The following TMEM150C variants were observed in gnomAD, a reference collection of about 807,000 sequenced individuals.
The protein encoded by TMEM150C is tentonin 3.
In TMEM150C, 10 loss-of-function variants were observed where a neutral mutation model predicts 29.9. The observed-to-expected ratio is 0.33, with a 90% CI of 0.21 to 0.57. The LOEUF is 0.57. TMEM150C is among the 20% of genes least tolerant of loss of function. The pLI is 0.88. For missense variants in TMEM150C, 251 were observed against 303.6 expected (o/e 0.83, Z 1.29); for synonymous variants, 101 against 112.5 (o/e 0.90, Z 0.64).
chr4:82,512,879 T>C (rs1159468784), intron 1 of TMEM150C, among the ~76,000 whole-genome samples: 1 of 152,088 alleles, frequency 6.6e-6, no homozygotes, highest in South Asian at 2.1e-4. Context: ...ATAGCTATTA[T>C]CAAAAAACAA....
In TMEM150C at chr4:82,524,456, T is replaced by C. The variant is rs1163102803; in HGVS notation, c.-10-19789A>G. Among the ~76,000 whole-genome samples, 3 of 152,254 alleles carry C rather than the reference T, an allele frequency of 2.0e-5. No homozygotes were observed. In the East Asian group the frequency reaches 5.8e-4, roughly 29 times the overall value. ...GTTTCATTATTTAGCTGTGAATTTC[T>C]TTTAATCTACCCACTTCTTTTAAAT... On this transcript the variant is annotated intron_variant, in intron 1 of 7. Coordinates refer to ENST00000449862, the MANE Select transcript of TMEM150C (RefSeq NM_001080506.3).
intron 1 of TMEM150C, among the ~76,000 whole-genome samples, chr4:82,538,022 A>G (rs1406284200): frequency 6.6e-6 from 1 of 152,188 alleles, no homozygotes; most frequent in Non-Finnish European, 1.5e-5. Context: ...GATATGAACA[A>G]AAGTTTATAT....
chr4:82,504,360 C>T (rs371779429), intron 2 of TMEM150C, among the ~76,000 whole-genome samples: 9 of 152,230 alleles, frequency 5.9e-5, no homozygotes, highest in Admixed American at 2.0e-4. Context: ...TGTGCCATCA[C>T]ACCCGGCTAA....
At chr4:82,494,821 T>C in intron 6 of TMEM150C, 1 of 418,060 alleles carries the variant, frequency 2.4e-6, no homozygotes, top group Non-Finnish European at 4.6e-6. Context: ...TGATCTTATT[T>C]GTTACTCAAA....
chr4:82,503,666 T>C (rs1723807403), intron 2 of TMEM150C, among the ~76,000 whole-genome samples: 1 of 151,918 alleles, frequency 6.6e-6, no homozygotes, highest in South Asian at 2.1e-4. Context: ...CTGGCTAACA[T>C]GGTGAAACCC....
chr4:82,509,254 G>T (rs1194772805), intron 1 of TMEM150C, among the ~76,000 whole-genome samples: 1 of 152,042 alleles, frequency 6.6e-6, no homozygotes, highest in Non-Finnish European at 1.5e-5. Flanking sequence ...TTGTGACCTG[G>T]CATCCCTGCA....
At chr4:82,509,236 C>T (rs375544383) in intron 1 of TMEM150C, among the ~76,000 whole-genome samples, 10 of 152,232 alleles carry the variant, frequency 6.6e-5, no homozygotes, top group Admixed American at 2.0e-4. Flanking sequence ...CACCTTCTAC[C>T]GCTCGCTTTG....
rs183606117 is a variant in TMEM150C at position 82,503,577 on chromosome 4, G to A, written c.81-465C>T. Among the ~76,000 whole-genome samples, 821 of 152,284 alleles carry A rather than the reference G, an allele frequency of 5.4e-3. 4 individuals carry two copies. The highest frequency in any genetic ancestry group is 0.019 in the African/African-American group (793 of 41,542). ...ATTTTATAAACATATCAGGCCGGGC[G>A]CAGTGGCTCACGCCTGTAATCCCAG... is the stretch of plus-strand genomic sequence containing the variant. On this transcript the variant is annotated intron_variant, in intron 2 of 7. Coordinates refer to ENST00000449862, the MANE Select transcript of TMEM150C (RefSeq NM_001080506.3).
Position 82,496,130 on chromosome 4 carries a change from T to C in TMEM150C, c.301A>G (p.Ile101Val). 6.2e-7 allele frequency: 1 copy of C among 1,613,974 alleles called. No homozygotes were observed. The highest frequency in any genetic ancestry group is 1.1e-5 in the South Asian group (1 of 91,080). Residue 101 changes from isoleucine (I) to valine (V), a missense_variant, in exon 6 of 8, where the codon ATT becomes GTT. Coordinates refer to ENST00000449862, the MANE Select transcript of TMEM150C (RefSeq NM_001080506.3). ...AGACACAGAGCCACCAATCCACTAA[T>C]ATTCAGCCACGGGTTTAAAACCTTC... ...KPKVLNPWLNISGLVALCLAS... is the reference protein window; with the variant it reads ...KPKVLNPWLNVSGLVALCLAS...
At chr4:82,528,388 C>T (rs1724723877) in intron 1 of TMEM150C, among the ~76,000 whole-genome samples, 1 of 152,160 alleles carries the variant, frequency 6.6e-6, no homozygotes, top group African/African-American at 2.4e-5. Flanking sequence ...GCTACAAGTT[C>T]CCAGGTGATG....
intron 1 of TMEM150C, among the ~76,000 whole-genome samples, chr4:82,538,370 T>G (rs1341469511): frequency 6.6e-6 from 1 of 152,176 alleles, no homozygotes; most frequent in Non-Finnish European, 1.5e-5. Context: ...TGCATTATTT[T>G]ATAACAGCAG....
chr4:82,547,195 A>C (rs1331696604), intron 1 of TMEM150C, among the ~76,000 whole-genome samples: 1 of 152,156 alleles, frequency 6.6e-6, no homozygotes, highest in Non-Finnish European at 1.5e-5. Context: ...ACAATTAAAC[A>C]AGCAAAAAAC....
At chr4:82,562,134 G>GCCA, upstream of TMEM150C, 1 of 1,265,998 alleles carries the variant, frequency 7.9e-7, no homozygotes, top group Non-Finnish European at 1.0e-6. Context: ...TCGGGCTTCT[G>GCCA]CCACCCCCCC....
chr4:82,555,290 T>C (rs765680749), intron 1 of TMEM150C, among the ~76,000 whole-genome samples: 4 of 152,166 alleles, frequency 2.6e-5, no homozygotes, highest in African/African-American at 7.2e-5. Flanking sequence ...ATGTAGTAAA[T>C]AGTGGTAGAT....
At chr4:82,496,990 C>T (rs926567183) in intron 5 of TMEM150C, among the ~76,000 whole-genome samples, 1 of 152,136 alleles carries the variant, frequency 6.6e-6, no homozygotes, top group Admixed American at 6.5e-5. Flanking sequence ...AACTCAATTC[C>T]TGAAAATAAT....
At chr4:82,516,614 T>C (rs547248645) in intron 1 of TMEM150C, among the ~76,000 whole-genome samples, 19 of 152,318 alleles carry the variant, frequency 1.2e-4, no homozygotes, top group African/African-American at 4.3e-4. Context: ...GAAGCTATTA[T>C]TGTTATAAAT....
In TMEM150C at chr4:82,533,808, C is replaced by A. The variant is rs528939583; in HGVS notation, c.-11+28098G>T. Among the ~76,000 whole-genome samples the A allele has an allele frequency of 5.3e-5, 8 of 152,234 alleles. No individual in the cohort carries two copies. The South Asian group carries it at 1.4e-3, about 28-fold the overall frequency. ...ATCAGCCTCTCAATAAAATATAAAGCCGCAGAAATGTTATCCGCACAATGA... is the reference window on the plus strand; with the variant it reads ...ATCAGCCTCTCAATAAAATATAAAGACGCAGAAATGTTATCCGCACAATGA... On this transcript the variant is annotated intron_variant, in intron 1 of 7. Coordinates refer to ENST00000449862, the MANE Select transcript of TMEM150C (RefSeq NM_001080506.3).
intron 1 of TMEM150C, among the ~76,000 whole-genome samples, chr4:82,541,403 G>A (rs1041108996): frequency 1.5e-4 from 23 of 152,044 alleles, no homozygotes; most frequent in African/African-American, 5.6e-4. Context: ...CCTCATTTCA[G>A]ATAACCATTG....
At chr4:82,489,311 G>C (rs148452460) in intron 7 of TMEM150C, among the ~76,000 whole-genome samples, 2 of 152,224 alleles carry the variant, frequency 1.3e-5, no homozygotes, top group Non-Finnish European at 2.9e-5. Context: ...TCTGGGATCT[G>C]TGTGGGGCTA....
Sources: gnomAD v4.1 joint callset for allele counts (sites outside exome capture counted in the v4.1 genomes callset) on GRCh38, gnomAD v4.1.1 for gene constraint, MANE v1.5 for transcripts, NCBI Gene and HGNC (gene_info 2026-07-23, HGNC 2026-07-21) for gene names.